The following GAD2 variants were observed in gnomAD, a reference collection of about 807,000 sequenced individuals.
GAD2 encodes the protein glutamate decarboxylase 2.
Under a neutral mutation model 80.1 loss-of-function variants are expected in GAD2, and 22 were observed. That is an observed-to-expected ratio of 0.27 (90% CI 0.20 to 0.39). The LOEUF (loss-of-function observed/expected upper bound fraction) is 0.39. Ranked by LOEUF, GAD2 falls within the 10% of genes least tolerant of loss-of-function variation. The pLI, the probability that GAD2 is intolerant of heterozygous loss-of-function variation, is 1.00. For synonymous variants in GAD2, 274 were observed against 256.9 expected, an observed-to-expected ratio of 1.07 and a Z score of -0.64; for missense variants, 624 against 738.4, an observed-to-expected ratio of 0.85 and a Z score of 1.80.
upstream of GAD2, chr10:26,216,735 G>T: frequency 7.5e-7 from 1 of 1,334,598 alleles, no homozygotes; most frequent in South Asian, 1.3e-5. This position sits in a 1 kb window ranked among gnomAD's most constrained non-coding sequence, Gnocchi z 4.7. Context: ...GCACGCACGC[G>T]CGCGCAGGGC....
chr10:26,269,172 A>T lies in GAD2; in HGVS notation c.974A>T (p.Lys325Ile). Reference protein sequence around the residue: ...LERRILEAKQKGFVPFLVSAT... With the variant: ...LERRILEAKQIGFVPFLVSAT... Reference sequence around the variant, plus strand: ...AGAAGGATTCTTGAAGCCAAACAGAAAGTAAGTTTCTGCCGGGAGCTTTAT... The same window carrying T: ...AGAAGGATTCTTGAAGCCAAACAGATAGTAAGTTTCTGCCGGGAGCTTTAT... The change falls in exon 9 of 16, where the codon AAA (lysine) becomes ATA (isoleucine). Residue 325 changes from lysine (K) to isoleucine (I), a missense_variant and splice_region_variant. Transcript: ENST00000376261. The T allele has an allele frequency of 6.3e-7, 1 of 1,596,204 alleles. No homozygotes were observed. The highest frequency in any genetic ancestry group is 8.5e-7 in the Non-Finnish European group (1 of 1,170,302).
intron 3 of GAD2, 92 bp downstream of exon 3, chr10:26,218,083 CA>C (rs1844403984): frequency 7.3e-7 from 1 of 1,365,106 alleles, no homozygotes; most frequent in Non-Finnish European, 9.9e-7. Context: ...GAGAGCCGGA[CA>C]GGGGCGTCGA....
intron 6 of GAD2, among the ~76,000 whole-genome samples, chr10:26,225,162 G>GTCT (rs1844504891): frequency 6.6e-6 from 1 of 152,148 alleles, no homozygotes; most frequent in Non-Finnish European, 1.5e-5. Context: ...GAACGCTTTG[G>GTCT]GAGAGAATTT....
intron 7 of GAD2, among the ~76,000 whole-genome samples, chr10:26,241,193 T>G (rs1046991449): frequency 2.0e-5 from 3 of 152,262 alleles, no homozygotes; most frequent in Non-Finnish European, 4.4e-5. Context: ...TAGATTCTAT[T>G]ATCAAGGCTC....
rs78144568 is a variant in GAD2 at position 26,279,353 on chromosome 10, C to A, written c.1158-1656C>A. The stretch of plus-strand genomic sequence containing the variant: ...AGGAAGAGGAAACAGCATGATGAGA[C>A]CCAGGAGTATGAGAATAGAATTCTC... On this transcript the variant is annotated intron_variant, in intron 11 of 15. Coordinates refer to ENST00000376261, the MANE Select transcript of GAD2 (RefSeq NM_001134366.2). 7.8e-3 allele frequency among the ~76,000 whole-genome samples: 1,193 copies of A among 152,210 alleles called. 21 individuals are homozygous for A. Among genetic ancestry groups the A allele is most frequent in the African/African-American group, 0.027 (1,134 of 41,526 alleles).
intron 7 of GAD2, among the ~76,000 whole-genome samples, chr10:26,242,953 G>C (rs1291483377): frequency 6.6e-6 from 1 of 152,100 alleles, no homozygotes; most frequent in Non-Finnish European, 1.5e-5. Context: ...GCAGCTGGCT[G>C]TCTCTTCCCT....
Position 26,256,864 on chromosome 10 carries a change from C to T in GAD2, c.920+10864C>T, listed in dbSNP as rs79096976. Among the ~76,000 whole-genome samples the T allele has an allele frequency of 4.1e-3, 618 of 152,262 alleles. 3 individuals are homozygous for T. The highest frequency in any genetic ancestry group is 0.014 in the African/African-American group (594 of 41,544). ...ATGCTTTGTGTCAGCATAAATACCC[C>T]GTTGCTTCTGAAATGTTCACCCACT... On this transcript the variant is annotated intron_variant, in intron 8 of 15. Transcript: ENST00000376261.
chr10:26,300,738 G>C, intron 15 of GAD2, 50 bp from the exon 16 acceptor site: 1 of 1,565,092 alleles, frequency 6.4e-7, no homozygotes, highest in Non-Finnish European at 8.8e-7. Context: ...CTTTGACTCA[G>C]GGGAGAGTCC....
intron 8 of GAD2, among the ~76,000 whole-genome samples, chr10:26,265,338 G>T (rs1269091314): frequency 6.6e-6 from 1 of 151,934 alleles, no homozygotes; most frequent in Non-Finnish European, 1.5e-5. Context: ...CGAAGTAGCT[G>T]GGACTATAGG....
intron 8 of GAD2, among the ~76,000 whole-genome samples, chr10:26,252,670 T>G (rs1310920753): frequency 6.7e-6 from 1 of 148,862 alleles, no homozygotes; most frequent in Non-Finnish European, 1.5e-5. Context: ...TTCTTTTTTT[T>G]TTGAGACGGA....
intron 8 of GAD2, among the ~76,000 whole-genome samples, chr10:26,251,472 T>G (rs1274038650): frequency 6.6e-6 from 1 of 152,244 alleles, no homozygotes; most frequent in Non-Finnish European, 1.5e-5. Context: ...AGGATTGTTA[T>G]GAAGATTCAA....
intron 10 of GAD2, among the ~76,000 whole-genome samples, chr10:26,272,035 C>T (rs938814129): frequency 7.9e-5 from 12 of 152,242 alleles, no homozygotes; most frequent in Non-Finnish European, 1.0e-4. Flanking sequence ...GCTGGGATTA[C>T]AGGCAGGAGC....
chr10:26,273,968 G>A (rs7906725), intron 11 of GAD2, among the ~76,000 whole-genome samples: 61,823 of 152,046 alleles, frequency 0.41, 15,511 homozygotes, highest in African/African-American at 0.72. Context: ...AGAGATTCCT[G>A]TCTAGGGTCT....
At position 26,243,041 on chromosome 10, in the gene GAD2, A is replaced by AAG. The variant is rs72161817; in HGVS notation, c.841-2879_841-2878insGA. ...CCAGGGCTCTGCCAAATGCACAAAA[A>AAG]ACCCCCCCCCTTTTTTTGGTGGGGG... is the stretch of plus-strand genomic sequence containing the variant. On this transcript the variant is annotated intron_variant, in intron 7 of 15. Coordinates refer to ENST00000376261, the MANE Select transcript of GAD2 (RefSeq NM_001134366.2). Among the ~76,000 whole-genome samples, 154 of 108,514 alleles carry AAG rather than the reference A, an allele frequency of 1.4e-3. 1 individual carries two copies. The highest frequency in any genetic ancestry group is 8.8e-3 in the African/African-American group (149 of 16,910). 71.2% of individuals were successfully genotyped at this position (108,514 alleles called of 152,430 possible). A position where few individuals can be genotyped will look rare whatever the true frequency, so the allele number is the denominator to read the frequency against.
intron 7 of GAD2, among the ~76,000 whole-genome samples, chr10:26,245,383 TAAAA>T (rs1257712889): frequency 1.5e-4 from 22 of 146,168 alleles, no homozygotes; most frequent in African/African-American, 5.5e-4. Flanking sequence ...AAAATAAAAA[TAAAA>T]AAAAAATAAA....
chr10:26,271,638 C>T (rs954429270), intron 10 of GAD2, among the ~76,000 whole-genome samples: 6 of 152,302 alleles, frequency 3.9e-5, no homozygotes, highest in South Asian at 4.1e-4. Flanking sequence ...GATGTTCATT[C>T]GAGTGCAAGA....
intron 14 of GAD2, 129 bp downstream of exon 14, chr10:26,292,701 A>G (rs1834230074): frequency 1.2e-6 from 1 of 844,476 alleles, no homozygotes; most frequent in African/African-American, 1.7e-5. Context: ...ATGACGGGGT[A>G]GCTATTCCAA....
intron 3 of GAD2, 77 bp downstream of exon 3, chr10:26,218,068 G>T: frequency 6.9e-7 from 1 of 1,459,470 alleles, no homozygotes; most frequent in South Asian, 1.4e-5. Context: ...TGCGGGTCCG[G>T]CGCTGAGAGC....
chr10:26,267,360 G>T (rs1845084494), intron 8 of GAD2, among the ~76,000 whole-genome samples: 1 of 152,202 alleles, frequency 6.6e-6, no homozygotes, highest in Non-Finnish European at 1.5e-5. Context: ...TATCAGGGCT[G>T]GAGCAAGGTG....
Sources: gnomAD v4.1 joint callset for allele counts (sites outside exome capture counted in the v4.1 genomes callset) on GRCh38, gnomAD v4.1.1 for gene constraint, Gnocchi (gnomAD v3.1) non-coding constraint, MANE v1.5 for transcripts, NCBI Gene and HGNC (gene_info 2026-07-23, HGNC 2026-07-21) for gene names.